The following RABEP1 variants were observed in gnomAD, a reference collection of about 807,000 sequenced individuals.
RABEP1 encodes rab GTPase-binding effector protein 1.
A neutral mutation model predicts 123.4 loss-of-function variants in RABEP1; 51 were observed. That is an observed-to-expected ratio of 0.41 (90% CI 0.33 to 0.52). The LOEUF (loss-of-function observed/expected upper bound fraction) is 0.52, where lower values mean the gene tolerates loss of function less well. Ranked by LOEUF, RABEP1 falls within the 20% of genes least tolerant of loss-of-function variation. RABEP1 has a pLI of 0.16. For missense variants in RABEP1, 888 were observed against 996.3 expected (o/e 0.89, Z 1.46); for synonymous variants, 347 against 355.2 (o/e 0.98, Z 0.26).
intron 1 of RABEP1, among the ~76,000 whole-genome samples, chr17:5,291,255 A>G (rs1031562467): frequency 1.3e-5 from 2 of 152,070 alleles, no homozygotes; most frequent in Non-Finnish European, 2.9e-5. Context: ...CTAAAAATAC[A>G]AAAAATTAAC....
rs748461942 is a variant in RABEP1 at position 5,373,494 on chromosome 17, C to CAACAA, written c.2025+40_2025+41insAACAA. ...ACATGATCAAAAATGTCAACAAGTACGTTTTCTGAAATGGCCGTATGTTCT... is the reference window on the plus strand; with the variant it reads ...ACATGATCAAAAATGTCAACAAGTACAACAAGTTTTCTGAAATGGCCGTATGTTCT... On this transcript the variant is annotated intron_variant, in intron 13 of 17. Transcript: ENST00000537505. The CAACAA allele has an allele frequency of 2.6e-6, 4 of 1,560,942 alleles. No homozygotes were observed. In the East Asian group the frequency reaches 9.1e-5, roughly 36 times the overall value.
intron 7 of RABEP1, among the ~76,000 whole-genome samples, chr17:5,352,552 C>T (rs879322227): frequency 7.4e-5 from 11 of 148,860 alleles, no homozygotes; most frequent in Non-Finnish European, 1.2e-4. Flanking sequence ...TAAACTTGGC[C>T]GGGCGCGGAT....
chr17:5,325,792 A>G (rs751032134), intron 2 of RABEP1, among the ~76,000 whole-genome samples: 3 of 152,200 alleles, frequency 2.0e-5, no homozygotes, highest in Admixed American at 1.3e-4. Context: ...TACAAGTTAC[A>G]TTAATGTATT....
chr17:5,328,212 T>C (rs1906162432), intron 2 of RABEP1, among the ~76,000 whole-genome samples: 1 of 152,218 alleles, frequency 6.6e-6, no homozygotes, highest in African/African-American at 2.4e-5. Context: ...TTGTGATGTT[T>C]TGTTTCCTGA....
intron 2 of RABEP1, among the ~76,000 whole-genome samples, chr17:5,318,674 G>C (rs544424704): frequency 1.6e-4 from 25 of 152,270 alleles, no homozygotes; most frequent in Non-Finnish European, 2.9e-4. Flanking sequence ...TAATCTTTCA[G>C]AAGATAGAAA....
Position 5,383,197 on chromosome 17 carries a change from G to A in RABEP1, c.2563G>A (p.Asp855Asn). Residue 855 changes from aspartate to asparagine, a missense_variant, in exon 18 of 18, where the codon GAC (aspartate) becomes AAC (asparagine). Transcript: ENST00000537505. ...AATTCTGAATGATACTAAACTGACA[G>A]ACATTAACCAGCTTCCTGAGACATG... ...RAILNDTKLT[D>N]INQLPET The A allele has an allele frequency of 1.9e-6, 3 of 1,614,086 alleles. No homozygotes were observed. The highest frequency in any genetic ancestry group is 2.5e-6 in the Non-Finnish European group (3 of 1,180,004).
At chr17:5,354,822 T>A (rs931295739) in intron 8 of RABEP1, among the ~76,000 whole-genome samples, 10 of 152,222 alleles carry the variant, frequency 6.6e-5, no homozygotes, top group African/African-American at 2.4e-4. Context: ...GTCTTTTTTG[T>A]TTAAAAAGAG....
In RABEP1 at chr17:5,325,633, C is replaced by G. The variant is rs182957685; in HGVS notation, c.164-6316C>G. Among the ~76,000 whole-genome samples, 57 of 150,878 alleles carry G rather than the reference C, an allele frequency of 3.8e-4. 4 individuals are homozygous for G. Among genetic ancestry groups the G allele is most frequent in the Admixed American group, 3.0e-3 (46 of 15,126 alleles). On this transcript the variant is annotated intron_variant, in intron 2 of 17. Coordinates refer to ENST00000537505, the MANE Select transcript of RABEP1 (RefSeq NM_004703.6). ...AGATCAATAGGGTGACTCTTGTTTA[C>G]AGTAATCTATTCTAGATTTCAAAAT... is the stretch of plus-strand genomic sequence containing the variant.
At position 5,308,783 on chromosome 17, in the gene RABEP1, A is replaced by G. The variant is rs1460483820; in HGVS notation, c.124A>G (p.Lys42Glu). The change falls in exon 2 of 18, where the codon AAG (lysine) becomes GAG (glutamate). Residue 42 changes from lysine to glutamate, a missense_variant. Transcript: ENST00000537505. ...GCAGCTTGAACAAGAATTTAATCAAAAGAGAGCAAAATTTAAGGAGTTATA... is the reference window on the plus strand; with the variant it reads ...GCAGCTTGAACAAGAATTTAATCAAGAGAGAGCAAAATTTAAGGAGTTATA... ...QQQLEQEFNQ[K>E]RAKFKELYLA... 6 of 1,610,922 alleles carry G rather than the reference A, an allele frequency of 3.7e-6. No individual in the cohort carries two copies. The highest frequency in any genetic ancestry group is 2.7e-5 in the African/African-American group (2 of 74,850).
intron 5 of RABEP1, among the ~76,000 whole-genome samples, chr17:5,341,223 G>GT (rs1907576509): frequency 6.6e-6 from 1 of 152,128 alleles, no homozygotes; most frequent in African/African-American, 2.4e-5. Flanking sequence ...TGAGGCTGTG[G>GT]TGAGCCATGG....
intron 1 of RABEP1, among the ~76,000 whole-genome samples, chr17:5,307,559 G>C (rs1476056409): frequency 6.6e-6 from 1 of 152,178 alleles, no homozygotes; most frequent in Non-Finnish European, 1.5e-5. Flanking sequence ...TAAGTAGTTA[G>C]TGGTTGATTA....
chr17:5,331,534 T>C (rs760919473), intron 2 of RABEP1, among the ~76,000 whole-genome samples: 7 of 152,238 alleles, frequency 4.6e-5, no homozygotes, highest in Non-Finnish European at 8.8e-5. Flanking sequence ...TGCCATGTGC[T>C]CTGGCTTTCT....
At chr17:5,293,528 C>T (rs941952997) in intron 1 of RABEP1, among the ~76,000 whole-genome samples, 23 of 152,112 alleles carry the variant, frequency 1.5e-4, no homozygotes, top group Non-Finnish European at 2.8e-4. Flanking sequence ...CCTCTCACCT[C>T]AGCCTCCTGA....
chr17:5,289,419 CT>C (rs74266330), intron 1 of RABEP1, among the ~76,000 whole-genome samples: 23,249 of 132,506 alleles, frequency 0.18, 1,896 homozygotes, highest in Middle Eastern at 0.22. Context: ...TAGATCTGAC[CT>C]TTTTTTTTTT....
chr17:5,361,228 T>C lies in RABEP1; in HGVS notation c.1116T>C (p.Arg372=). The part of the protein sequence containing the change: ...SNEEEHLDST[R]GSVHSLDAGL... ...TTCAGGAGCATTTAGACAGCACCCG[T>C]GGCTCAGTTCATTCCTTAGATGCAG... Residue 372 remains arginine, a synonymous_variant, in exon 9 of 18, where the codon CGT becomes CGC. Transcript: ENST00000537505. The C allele has an allele frequency of 1.2e-6, 2 of 1,614,044 alleles. No homozygotes were observed. The highest frequency in any genetic ancestry group is 1.7e-6 in the Non-Finnish European group (2 of 1,179,918).
intron 5 of RABEP1, among the ~76,000 whole-genome samples, chr17:5,340,988 A>G (rs150394962): frequency 1.3e-5 from 2 of 151,762 alleles, no homozygotes; most frequent in African/African-American, 4.8e-5. Context: ...ATGGAAATGA[A>G]TAATATAAAC....
intron 3 of RABEP1, among the ~76,000 whole-genome samples, chr17:5,332,381 A>G (rs1215972801): frequency 6.6e-6 from 1 of 152,188 alleles, no homozygotes; most frequent in East Asian, 1.9e-4. Context: ...TGTTATAGAG[A>G]TAATGCATTA....
intron 9 of RABEP1, among the ~76,000 whole-genome samples, chr17:5,362,330 T>G (rs1275493980): frequency 6.6e-6 from 1 of 152,212 alleles, no homozygotes; most frequent in East Asian, 1.9e-4. Flanking sequence ...GTGAGAAAAC[T>G]GGCTGGGAAA....
chr17:5,380,542 T>C, intron 16 of RABEP1, 80 bp downstream of exon 16: 1 of 1,174,628 alleles, frequency 8.5e-7, no homozygotes, highest in South Asian at 1.3e-5. Context: ...GAAAAAAAAA[T>C]ATTGGTGCTT....
Sources: allele counts gnomAD v4.1 joint callset (sites outside exome capture counted in the v4.1 genomes callset), GRCh38; gene constraint gnomAD v4.1.1; transcripts MANE v1.5; gene names NCBI Gene and HGNC (gene_info 2026-07-23, HGNC 2026-07-21).